The following OTUD5 variants were observed in gnomAD, a reference collection of about 807,000 sequenced individuals.
OTUD5 encodes the protein OTU deubiquitinase 5.
Under a neutral mutation model 36.3 loss-of-function variants are expected in OTUD5, and 2 were observed. The ratio of observed to expected loss-of-function variants is 0.06; its 90% CI spans 0.02 to 0.17. The LOEUF is 0.17. Ranked by LOEUF, OTUD5 falls within the 10% of genes least tolerant of loss-of-function variation. The probability of loss-of-function intolerance (pLI) is 1.00; values close to 1 mark genes in which losing one functional copy is unlikely to be tolerated. For synonymous variants in OTUD5, 234 were observed against 214.9 expected (o/e 1.09, Z -0.78); for missense variants, 233 against 512.3 (o/e 0.45, Z 5.26).
Position 48,922,412 on chromosome X carries a change from C to G in OTUD5, c.*762G>C. On this transcript the variant is annotated 3_prime_UTR_variant, in exon 9 of 9. Transcript: ENST00000376488. ...AGTGGTGGTGGAAGCAAAAGGAATGCAGCAAGGTCAGGGTTTCATTGTCCA... is the reference window on the plus strand; with the variant it reads ...AGTGGTGGTGGAAGCAAAAGGAATGGAGCAAGGTCAGGGTTTCATTGTCCA... The G allele has an allele frequency of 2.6e-6, 1 of 390,126 alleles. No homozygotes were observed. Among genetic ancestry groups the G allele is most frequent in the South Asian group, 1.3e-4 (1 of 7,637 alleles). The allele number at this position is 390,126 out of a possible 1,213,427, so 32.2% of individuals were successfully genotyped here.
upstream of OTUD5, chrX:48,958,020 A>T (rs1557056308): frequency 8.1e-6 from 1 of 123,010 alleles, no homozygotes; most frequent in Non-Finnish European, 1.6e-5. Context: ...GTACGTGGGC[A>T]AAATCGCCGC....
intron 2 of OTUD5, among the ~76,000 whole-genome samples, chrX:48,938,178 ATGTACC>A (rs2063859481): frequency 8.9e-6 from 1 of 111,911 alleles, no homozygotes; most frequent in Non-Finnish European, 1.9e-5. Flanking sequence ...ATGGTATAAC[ATGTACC>A]TAATCACAGC....
intron 2 of OTUD5, among the ~76,000 whole-genome samples, chrX:48,942,299 TACACACACACACACACACACACACAC>T (rs61325018): frequency 1.8e-5 from 1 of 55,018 alleles, no homozygotes; most frequent in Non-Finnish European, 3.5e-5. Flanking sequence ...GCTAGCTAGA[TACACACACACACACACACACACACAC>T]ACACACACAC....
chrX:48,925,873 C>A lies in OTUD5; in HGVS notation c.1237G>T (p.Ala413Ser), dbSNP rs782616558. The part of the protein sequence containing the change: ...LQWLRDQEKQ[A>S]RQVRGPSQPR... Reference sequence around the variant, plus strand: ...TGGCTGGGGCCTCGGACCTGGCGAGCCTGTTTCTCCTGATCCCGCAACCAC... The same window carrying A: ...TGGCTGGGGCCTCGGACCTGGCGAGACTGTTTCTCCTGATCCCGCAACCAC... Residue 413 changes from alanine (A) to serine (S), a missense_variant, in exon 6 of 9, where the codon GCT becomes TCT. Transcript: ENST00000376488. 1.5e-4 allele frequency: 186 copies of A among 1,208,801 alleles called. 2 individuals carry two copies. In the South Asian group the frequency reaches 3.1e-3, roughly 20 times the overall value.
intron 2 of OTUD5, among the ~76,000 whole-genome samples, chrX:48,938,752 G>C (rs1447156678): frequency 2.7e-5 from 3 of 111,251 alleles, no homozygotes; most frequent in African/African-American, 9.8e-5. Context: ...CTGTCCTCCA[G>C]AAAGCCCTCC....
rs148885338 is a variant in OTUD5, at chrX:48,939,120, G to C, written c.689-4102C>G. ...CTTTACCCAGGAGACACAGAAATGT[G>C]GCAAAGCTTGCCTGGGATCACAGAT... On this transcript the variant is annotated intron_variant, in intron 2 of 8. Transcript: ENST00000376488. 1.8e-3 allele frequency among the ~76,000 whole-genome samples: 202 copies of C among 111,878 alleles called. 1 individual carries two copies. Among genetic ancestry groups the C allele is most frequent in the African/African-American group, 6.2e-3 (191 of 30,807 alleles).
chrX:48,950,021 C>T (rs1180753651), intron 1 of OTUD5, among the ~76,000 whole-genome samples: 4 of 108,028 alleles, frequency 3.7e-5, no homozygotes, highest in East Asian at 2.9e-4. Context: ...TGGTGGTGGG[C>T]GCCTGCAATC....
intron 1 of OTUD5, 35 bp from the exon 2 acceptor site, chrX:48,944,318 A>G: frequency 1.0e-6 from 1 of 961,307 alleles, no homozygotes; most frequent in African/African-American, 1.9e-5. Flanking sequence ...CAACAGGGAA[A>G]ACCTGTACTC....
At chrX:48,935,562 C>A (rs1322061575) in intron 2 of OTUD5, among the ~76,000 whole-genome samples, 1 of 111,131 alleles carries the variant, frequency 9.0e-6, no homozygotes, top group Non-Finnish European at 1.9e-5. Context: ...CCCAGTTCTG[C>A]CAGATACTAG....
At chrX:48,923,508 G>T in intron 8 of OTUD5, 125 bp downstream of exon 8, 1 of 589,960 alleles carries the variant, frequency 1.7e-6, no homozygotes, top group Non-Finnish European at 2.7e-6. Context: ...CCCCTCCAGT[G>T]CCTCTCCCTT....
At chrX:48,929,257 G>A (rs959003887) in intron 5 of OTUD5, among the ~76,000 whole-genome samples, 6 of 109,489 alleles carry the variant, frequency 5.5e-5, no homozygotes, top group African/African-American at 1.3e-4. Context: ...GCGTGGTGGC[G>A]CGTGCCTGTA....
chrX:48,940,357 T>C (rs912814780), intron 2 of OTUD5: 1 of 113,659 alleles, frequency 8.8e-6, no homozygotes, highest in African/African-American at 3.2e-5. Context: ...CAACCTCAAA[T>C]ACCAATGTTC....
chrX:48,930,298 G>C (rs782154945), intron 5 of OTUD5, among the ~76,000 whole-genome samples: 4 of 111,299 alleles, frequency 3.6e-5, no homozygotes, highest in Non-Finnish European at 7.5e-5. Flanking sequence ...TCTGCTACGC[G>C]TGTATATGGA....
chrX:48,945,764 T>C (rs1226222845), intron 1 of OTUD5, among the ~76,000 whole-genome samples: 1 of 111,316 alleles, frequency 9.0e-6, no homozygotes, highest in Non-Finnish European at 1.9e-5. Context: ...GTTTTATAAA[T>C]TGTTTTTTTC....
intron 8 of OTUD5, 151 bp from the exon 9 acceptor site, chrX:48,923,446 C>T (rs782010388): frequency 1.2e-5 from 7 of 568,012 alleles, no homozygotes; most frequent in East Asian, 3.6e-5. Context: ...GCCTGTGAAA[C>T]CCCACTTAGA....
In OTUD5 at chrX:48,957,572, G is replaced by A. The variant is rs1287430687; in HGVS notation, c.-2C>T. 2 of 838,244 alleles carry A rather than the reference G, an allele frequency of 2.4e-6. No individual in the cohort carries two copies. The highest frequency in any genetic ancestry group is 2.2e-5 in the African/African-American group (1 of 45,655). The allele number at this position is 838,244 out of a possible 1,213,427, so 69.1% of individuals were successfully genotyped here. ...CTTCTTTTTGGGGAGTATAGTCATG[G>A]CTGCACTGCCGAGTACCCCCCAACA... On this transcript the variant is annotated 5_prime_UTR_variant, in exon 1 of 9. Transcript: ENST00000376488.
chrX:48,957,195 C>T lies in OTUD5; in HGVS notation c.376G>A (p.Ala126Thr), dbSNP rs1318059597. 1.8e-6 allele frequency: 2 copies of T among 1,109,135 alleles called. No homozygotes were observed. The highest frequency in any genetic ancestry group is 3.8e-5 in the African/African-American group (2 of 51,978). The allele number at this position is 1,109,135 out of a possible 1,213,427, so 91.4% of individuals were successfully genotyped here. ...CCCACACCCACCACCACGCCCGCGG[C>T]ACCCACACCCGCCGCCGCTGCGCCC... ...ALGAAAAGVG[A>T]AGVVVGVGGA... Residue 126 changes from alanine to threonine, a missense_variant, in exon 1 of 9, where the codon GCC becomes ACC. This residue lies in a region of OTUD5 where 155 missense variants were observed against 217.2 expected (regional missense o/e 0.71). Transcript: ENST00000376488.
At chrX:48,924,684 C>T (rs782444137) in intron 6 of OTUD5, among the ~76,000 whole-genome samples, 29 of 111,716 alleles carry the variant, frequency 2.6e-4, no homozygotes, top group Non-Finnish European at 4.3e-4. Flanking sequence ...CCTCCATGTG[C>T]GCTCAGCTAA....
chrX:48,930,116 T>G (rs1220671459), intron 5 of OTUD5, among the ~76,000 whole-genome samples: 3 of 110,735 alleles, frequency 2.7e-5, no homozygotes, highest in Non-Finnish European at 5.7e-5. Flanking sequence ...AAAATAATAA[T>G]AATAAAATAA....
Sources: gnomAD v4.1 joint callset for allele counts (sites outside exome capture counted in the v4.1 genomes callset) on GRCh38, gnomAD v4.1.1 for gene constraint, gnomAD v4.1.1 regional missense constraint, MANE v1.5 for transcripts, NCBI Gene and HGNC (gene_info 2026-07-23, HGNC 2026-07-21) for gene names.